SYT1: variants seen among roughly 807,000 people sequenced by gnomAD.
The protein encoded by SYT1 is synaptotagmin 1.
A neutral mutation model predicts 44.8 loss-of-function variants in SYT1; 8 were observed. The ratio of observed to expected loss-of-function variants is 0.18; its 90% CI spans 0.10 to 0.32. The LOEUF is 0.32. Ranked by LOEUF, SYT1 falls within the 10% of genes least tolerant of loss-of-function variation. SYT1 has a pLI of 1.00. For synonymous variants in SYT1, 154 were observed against 188.8 expected, an observed-to-expected ratio of 0.82 and a Z score of 1.51; for missense variants, 286 against 509.3, an observed-to-expected ratio of 0.56 and a Z score of 4.22.
Position 79,292,342 on chromosome 12 carries a change from C to T in SYT1, c.474+212C>T, listed in dbSNP as rs532097524. 2.0e-5 allele frequency among the ~76,000 whole-genome samples: 3 copies of T among 152,288 alleles called. No individual in the cohort carries two copies. In the South Asian group the frequency reaches 6.2e-4, roughly 32 times the overall value. On this transcript the variant is annotated intron_variant, in intron 6 of 10. Transcript: ENST00000261205. ...AGAATTCACAGTATTCAACCGATTA[C>T]ATCTACTTGTGGCACTTTCAGCAGG...
intron 3 of SYT1, among the ~76,000 whole-genome samples, chr12:79,129,122 T>C (rs529591412): frequency 1.3e-5 from 2 of 152,306 alleles, no homozygotes; most frequent in South Asian, 2.1e-4. Context: ...ATGTGTACTT[T>C]GGTGAAAATT....
intron 1 of SYT1, among the ~76,000 whole-genome samples, chr12:78,913,172 G>T (rs749207852): frequency 6.6e-6 from 1 of 151,318 alleles, no homozygotes; most frequent in Non-Finnish European, 1.5e-5. Flanking sequence ...GTTCTTCATA[G>T]ATATGTTTTA....
chr12:79,410,506 C>CAAAAAAAAAAAAAAAAAAAAACAAAAAGA (rs1868372168), intron 9 of SYT1, among the ~76,000 whole-genome samples: 1 of 75,916 alleles, frequency 1.3e-5, no homozygotes, highest in Non-Finnish European at 2.4e-5. Flanking sequence ...TGTTCAAAGT[C>CAAAAAAAAAAAAAAAAAAAAACAAAAAGA]AAAAAAAAAA....
At chr12:78,898,691 A>G (rs558643191) in intron 1 of SYT1, among the ~76,000 whole-genome samples, 8 of 152,212 alleles carry the variant, frequency 5.3e-5, no homozygotes, top group Admixed American at 3.9e-4. Context: ...CTGGCTTTGC[A>G]CTGCTCTCTG....
chr12:78,886,768 T>C (rs1047367019), intron 1 of SYT1, among the ~76,000 whole-genome samples: 1 of 151,990 alleles, frequency 6.6e-6, no homozygotes, highest in South Asian at 2.1e-4. Flanking sequence ...TGGAGAAAAG[T>C]GTATGATAGT....
chr12:78,985,039 T>C (rs532185105), intron 2 of SYT1, among the ~76,000 whole-genome samples: 8 of 151,996 alleles, frequency 5.3e-5, no homozygotes, highest in African/African-American at 1.4e-4. Flanking sequence ...ACAAGACACA[T>C]TGTATACCGA....
chr12:78,914,084 A>G (rs1042522575), intron 1 of SYT1, among the ~76,000 whole-genome samples: 1 of 128,174 alleles, frequency 7.8e-6, no homozygotes, highest in Non-Finnish European at 1.6e-5. Context: ...TTATCAAAAT[A>G]AAAAGATGAT....
chr12:79,275,512 C>A (rs937704338), intron 4 of SYT1, among the ~76,000 whole-genome samples: 10 of 152,010 alleles, frequency 6.6e-5, no homozygotes, highest in Non-Finnish European at 1.2e-4. Context: ...GCAGATGGAC[C>A]GAGGTGCCTA....
intron 9 of SYT1, among the ~76,000 whole-genome samples, chr12:79,401,146 G>A (rs1885052863): frequency 6.6e-6 from 1 of 152,038 alleles, no homozygotes; most frequent in Admixed American, 6.6e-5. Context: ...TGTCAAACAA[G>A]GGCCAATGGA....
chr12:78,893,369 G>T (rs1441452663), intron 1 of SYT1, among the ~76,000 whole-genome samples: 1 of 151,608 alleles, frequency 6.6e-6, no homozygotes, highest in Non-Finnish European at 1.5e-5. Flanking sequence ...AATTAAACTT[G>T]TCAAAAATTC....
At chr12:79,326,007 T>C (rs1317407557) in intron 8 of SYT1, among the ~76,000 whole-genome samples, 2 of 152,300 alleles carry the variant, frequency 1.3e-5, no homozygotes, top group Non-Finnish European at 2.9e-5. Flanking sequence ...ACCATATTTA[T>C]TGATGGGGGG....
intron 8 of SYT1, among the ~76,000 whole-genome samples, chr12:79,308,273 C>T (rs2138915764): frequency 6.6e-6 from 1 of 152,202 alleles, no homozygotes; most frequent in East Asian, 1.9e-4. Context: ...GCCTGTAATC[C>T]CAGCACTTTG....
In SYT1 at chr12:79,383,294, GGTAA is replaced by G. The variant is rs1364090543; in HGVS notation, c.928+29683_928+29686del. Among the ~76,000 whole-genome samples the G allele has an allele frequency of 7.2e-5, 11 of 152,198 alleles. No homozygotes were observed. The South Asian group carries it at 1.2e-3, about 17-fold the overall frequency. On this transcript the variant is annotated intron_variant, in intron 9 of 10. Coordinates refer to ENST00000261205, the MANE Select transcript of SYT1 (RefSeq NM_005639.3). ...ATATTGTAAGCAGTGGAAACACAAAGGTAAGTAAGTATTTGTGTATCTAAAGATA... is the reference window on the plus strand; with the variant it reads ...ATATTGTAAGCAGTGGAAACACAAAGGTAAGTATTTGTGTATCTAAAGATA...
chr12:78,898,619 TTCC>T, intron 1 of SYT1, among the ~76,000 whole-genome samples: 1 of 152,170 alleles, frequency 6.6e-6, no homozygotes, highest in East Asian at 1.9e-4. Context: ...TGATTGTTTT[TTCC>T]CCTAGGACTG....
chr12:79,019,298 T>C (rs1273893711), intron 2 of SYT1, among the ~76,000 whole-genome samples: 4 of 151,976 alleles, frequency 2.6e-5, no homozygotes, highest in Non-Finnish European at 2.9e-5. Context: ...TTAAAATAAC[T>C]TAATTTGGGG....
intron 1 of SYT1, chr12:78,868,592 A>C (rs1269028639): frequency 1.3e-5 from 2 of 151,874 alleles, no homozygotes; most frequent in Non-Finnish European, 2.9e-5. Flanking sequence ...ATACATATGC[A>C]TATATTTGTG....
chr12:79,284,837 CA>C (rs36090267), intron 4 of SYT1, among the ~76,000 whole-genome samples: 46,668 of 117,642 alleles, frequency 0.4, 7,332 homozygotes, highest in South Asian at 0.51. Flanking sequence ...GACTCCATCT[CA>C]AAAAAAAAAA....
chr12:79,142,934 T>C (rs1266498393), intron 3 of SYT1, among the ~76,000 whole-genome samples: 1 of 152,174 alleles, frequency 6.6e-6, no homozygotes, highest in Non-Finnish European at 1.5e-5. Flanking sequence ...GGTCTATGTC[T>C]CAAGTGCATT....
chr12:79,153,149 G>A lies in SYT1; in HGVS notation c.-17-64354G>A, dbSNP rs926030047. Among the ~76,000 whole-genome samples the A allele has an allele frequency of 5.3e-5, 8 of 152,156 alleles. No individual in the cohort carries two copies. The East Asian group carries it at 7.7e-4, about 15-fold the overall frequency. ...CTCACTGGGAGAGGTTGAGGGAAACGGGGCTGAGTTCTAGCCCAAGACATA... is the reference window on the plus strand; with the variant it reads ...CTCACTGGGAGAGGTTGAGGGAAACAGGGCTGAGTTCTAGCCCAAGACATA... On this transcript the variant is annotated intron_variant, in intron 3 of 10. Coordinates refer to ENST00000261205, the MANE Select transcript of SYT1 (RefSeq NM_005639.3).
Sources: gnomAD v4.1 joint callset for allele counts (sites outside exome capture counted in the v4.1 genomes callset) on GRCh38, gnomAD v4.1.1 for gene constraint, MANE v1.5 for transcripts, NCBI Gene and HGNC (gene_info 2026-07-23, HGNC 2026-07-21) for gene names.